Variants in APLF observed in about 807,000 individuals in gnomAD.
The protein encoded by APLF is aprataxin and PNKP like factor.
Under a neutral mutation model 55.6 loss-of-function variants are expected in APLF, and 61 were observed. That is an observed-to-expected ratio of 1.10 (90% CI 0.89 to 1.36). APLF has a LOEUF of 1.36. APLF is among the 40% of genes most tolerant of loss of function. APLF has a pLI of 0.00. For synonymous variants in APLF, 207 were observed against 214.8 expected (o/e 0.96, Z 0.32); for missense variants, 611 against 602.5 (o/e 1.01, Z -0.15).
intron 7 of APLF, among the ~76,000 whole-genome samples, chr2:68,538,610 G>T (rs1169156555): frequency 6.6e-6 from 1 of 151,580 alleles, no homozygotes; most frequent in African/African-American, 2.4e-5. Flanking sequence ...TTGTATTTAG[G>T]TGTCTTTTCT....
chr2:68,534,962 G>A (rs1166602380), intron 6 of APLF, among the ~76,000 whole-genome samples: 1 of 152,142 alleles, frequency 6.6e-6, no homozygotes. Flanking sequence ...AACCATGAAT[G>A]TTAAATTCTT....
chr2:68,561,648 A>G (rs1671169680), intron 8 of APLF, among the ~76,000 whole-genome samples: 1 of 152,084 alleles, frequency 6.6e-6, no homozygotes, highest in Admixed American at 6.6e-5. Context: ...AAATTCTGAC[A>G]TATTTTAGTC....
At chr2:68,497,694 C>A (rs1309313374) in intron 2 of APLF, among the ~76,000 whole-genome samples, 7 of 151,790 alleles carry the variant, frequency 4.6e-5, no homozygotes, top group Non-Finnish European at 1.0e-4. Context: ...AACTCATTAT[C>A]TTTAAGACGG....
intron 1 of APLF, among the ~76,000 whole-genome samples, chr2:68,483,011 T>C (rs1676013243): frequency 6.6e-6 from 1 of 151,606 alleles, no homozygotes; most frequent in Admixed American, 6.6e-5. Flanking sequence ...GGGCCCAGGC[T>C]CTCAGTAACT....
chr2:68,484,281 G>A (rs1336009538), intron 1 of APLF, among the ~76,000 whole-genome samples: 5 of 152,114 alleles, frequency 3.3e-5, no homozygotes, highest in Non-Finnish European at 7.4e-5. Context: ...AGTAGATGAA[G>A]TATTCTAGTA....
At chr2:68,510,059 G>T (rs1289932849) in intron 3 of APLF, among the ~76,000 whole-genome samples, 1 of 143,318 alleles carries the variant, frequency 7.0e-6, no homozygotes, top group East Asian at 2.1e-4. Flanking sequence ...CACACACCAG[G>T]GCCTGTTGTG....
chr2:68,481,945 T>A (rs936369198), intron 1 of APLF, among the ~76,000 whole-genome samples: 5 of 152,206 alleles, frequency 3.3e-5, no homozygotes, highest in Admixed American at 1.3e-4. Flanking sequence ...TGTTTGGTTA[T>A]TTTTTATGAT....
chr2:68,561,939 C>G (rs974061626), intron 8 of APLF, among the ~76,000 whole-genome samples: 3 of 151,924 alleles, frequency 2.0e-5, no homozygotes, highest in Non-Finnish European at 4.4e-5. Flanking sequence ...GTACTCCAAC[C>G]AATGAGAATT....
Position 68,526,387 on chromosome 2 carries a change from AC to A in APLF, c.804+146del. The A allele has an allele frequency of 6.3e-6, 9 of 1,434,622 alleles. No homozygotes were observed. In the South Asian group the frequency reaches 1.1e-4, roughly 17 times the overall value. The allele number at this position is 1,434,622 out of a possible 1,614,324, so 88.9% of individuals were successfully genotyped here. ...AAACTAGCCCAATTTTTTCAGACTT[AC>A]TGAAACTAATCTTTAATATAGTATT... On this transcript the variant is annotated intron_variant, in intron 6 of 9. Coordinates refer to ENST00000303795, the MANE Select transcript of APLF (RefSeq NM_173545.3).
chr2:68,497,524 T>C (rs1222839805), intron 2 of APLF, among the ~76,000 whole-genome samples: 2 of 152,038 alleles, frequency 1.3e-5, no homozygotes, highest in East Asian at 3.9e-4. Flanking sequence ...GAAAGTTTCC[T>C]GAGGCCTCCC....
At chr2:68,567,239 C>T in intron 8 of APLF, 102 bp from the exon 9 acceptor site, 1 of 1,000,200 alleles carries the variant, frequency 1.0e-6, no homozygotes, top group South Asian at 1.5e-5. Flanking sequence ...CTATTGGGTC[C>T]TAAGTTTATT....
intron 8 of APLF, among the ~76,000 whole-genome samples, 166 bp downstream of exon 8, chr2:68,545,478 T>G (rs1198351360): frequency 6.6e-6 from 1 of 152,212 alleles, no homozygotes; most frequent in East Asian, 1.9e-4. Context: ...ATATTTCTTT[T>G]AGCTAATTCT....
chr2:68,523,783 G>A (rs1470329752), intron 5 of APLF, among the ~76,000 whole-genome samples: 1 of 151,192 alleles, frequency 6.6e-6, no homozygotes, highest in Non-Finnish European at 1.5e-5. Flanking sequence ...AACCTATTTT[G>A]GATTTCAGAA....
At chr2:68,522,702 A>G (rs943961633) in intron 5 of APLF, among the ~76,000 whole-genome samples, 4 of 151,952 alleles carry the variant, frequency 2.6e-5, no homozygotes, top group African/African-American at 4.8e-5. Flanking sequence ...CCAGAAACAG[A>G]TAAGAAAAAT....
intron 6 of APLF, 35 bp from the exon 7 acceptor site, chr2:68,537,832 GTTTCA>G: frequency 7.1e-7 from 1 of 1,406,748 alleles, no homozygotes; most frequent in Non-Finnish European, 9.7e-7. Flanking sequence ...TTTTAAAAAT[GTTTCA>G]TTTATTTCTG....
At chr2:68,479,815 A>G (rs996910786) in intron 1 of APLF, among the ~76,000 whole-genome samples, 11 of 151,998 alleles carry the variant, frequency 7.2e-5, no homozygotes, top group African/African-American at 2.4e-4. Context: ...TACCTCCTTT[A>G]CCTTTTACAC....
intron 1 of APLF, among the ~76,000 whole-genome samples, chr2:68,468,989 GGTGTGTGT>G (rs34695552): frequency 7.1e-4 from 104 of 146,760 alleles, no homozygotes; most frequent in African/African-American, 1.9e-3. Context: ...GTCCTAAAGG[GGTGTGTGT>G]GTGTGTGTGT....
chr2:68,520,826 T>G (rs1325363929), intron 5 of APLF, among the ~76,000 whole-genome samples: 1 of 152,040 alleles, frequency 6.6e-6, no homozygotes, highest in Non-Finnish European at 1.5e-5. Flanking sequence ...ATATGAATTT[T>G]GGGATTGTTT....
chr2:68,530,411 A>G (rs1361100049), intron 6 of APLF, among the ~76,000 whole-genome samples: 2 of 152,124 alleles, frequency 1.3e-5, no homozygotes, highest in Non-Finnish European at 2.9e-5. Context: ...GCACAGCACC[A>G]TCCCACATTG....
Sources: allele counts gnomAD v4.1 joint callset (sites outside exome capture counted in the v4.1 genomes callset), GRCh38; gene constraint gnomAD v4.1.1; transcripts MANE v1.5; gene names NCBI Gene and HGNC (gene_info 2026-07-23, HGNC 2026-07-21).